The following ZNF525 variants were observed in gnomAD, a reference collection of about 807,000 sequenced individuals.
ZNF525 encodes zinc finger protein 525.
Under a neutral mutation model 37.6 loss-of-function variants are expected in ZNF525, and 33 were observed. That is an observed-to-expected ratio of 0.88 (90% CI 0.67 to 1.17). ZNF525 has a LOEUF of 1.17. ZNF525 is among the 50% of genes most tolerant of loss of function. The pLI is 0.00. For missense variants in ZNF525, 449 were observed against 543.1 expected (o/e 0.83, Z 1.72); for synonymous variants, 170 against 182.3 (o/e 0.93, Z 0.54).
rs1289254999 is a variant in ZNF525 at position 53,382,487 on chromosome 19, G to A, written c.*468G>A. ...TTCATACTGGAAATAAATCTTATAA[G>A]TGTAATGAGTGTGGCAAGACCTTCA... On this transcript the variant is annotated 3_prime_UTR_variant, in exon 4 of 4. Coordinates refer to ENST00000474037, the MANE Select transcript of ZNF525 (RefSeq NM_001348156.2). 37 of 687,946 alleles carry A rather than the reference G, an allele frequency of 5.4e-5. No individual in the cohort carries two copies. The highest frequency in any genetic ancestry group is 1.6e-5 in the Non-Finnish European group (6 of 370,974). The allele number at this position is 687,946 out of a possible 1,614,324, so 42.6% of individuals were successfully genotyped here. A position where few individuals can be genotyped will look rare whatever the true frequency, so the allele number is the denominator to read the frequency against.
chr19:53,373,170 G>T (rs1411576955), intron 2 of ZNF525, among the ~76,000 whole-genome samples: 2 of 151,942 alleles, frequency 1.3e-5, no homozygotes, highest in Non-Finnish European at 2.9e-5. Flanking sequence ...TTGGCTCATG[G>T]CAACCTCCAC....
chr19:53,380,121 C>T (rs990832425), intron 3 of ZNF525, among the ~76,000 whole-genome samples: 6 of 149,956 alleles, frequency 4.0e-5, no homozygotes, highest in Non-Finnish European at 7.4e-5. Flanking sequence ...GATGGAGTCT[C>T]ACTTTGTCAT....
At position 53,386,156 on chromosome 19, in the gene ZNF525, C is replaced by CAA. The variant is rs111382307; in HGVS notation, c.*4149_*4150dup. On this transcript the variant is annotated 3_prime_UTR_variant, in exon 4 of 4. Transcript: ENST00000474037. ...GAGCAACAAGAGCAAAACTCCATCT[C>CAA]AAAAAAAAAAAAATTGTCAAGTTCC... 1,085 of 387,780 alleles carry CAA rather than the reference C, an allele frequency of 2.8e-3. No homozygotes were observed. Among genetic ancestry groups the CAA allele is most frequent in the South Asian group, 4.6e-3 (211 of 45,794 alleles). The allele number at this position is 387,780 out of a possible 1,614,324, so 24.0% of individuals were successfully genotyped here. A position where few individuals can be genotyped will look rare whatever the true frequency, so the allele number is the denominator to read the frequency against.
At chr19:53,368,879 C>T (rs1425697455) in intron 1 of ZNF525, among the ~76,000 whole-genome samples, 1 of 152,090 alleles carries the variant, frequency 6.6e-6, no homozygotes, top group Non-Finnish European at 1.5e-5. Flanking sequence ...GTTTTACCGG[C>T]ATTTTGGTAA....
chr19:53,370,868 C>T (rs1160101549), intron 1 of ZNF525, among the ~76,000 whole-genome samples: 1 of 152,208 alleles, frequency 6.6e-6, no homozygotes, highest in Non-Finnish European at 1.5e-5. Flanking sequence ...AGCCCAACTC[C>T]TCACTGTGGC....
chr19:53,366,219 CCCT>C (rs1363258058), intron 1 of ZNF525, among the ~76,000 whole-genome samples: 10 of 115,320 alleles, frequency 8.7e-5, no homozygotes, highest in African/African-American at 2.5e-4. Flanking sequence ...CCCCCCACGT[CCCT>C]CCTCATGCCG....
intron 1 of ZNF525, among the ~76,000 whole-genome samples, chr19:53,370,332 T>G: frequency 6.8e-6 from 1 of 147,230 alleles, no homozygotes; most frequent in South Asian, 2.2e-4. Context: ...GGCAGGAGAA[T>G]GGTGTGAACG....
At chr19:53,378,996 T>G (rs1015236300) in intron 3 of ZNF525, among the ~76,000 whole-genome samples, 3 of 152,238 alleles carry the variant, frequency 2.0e-5, no homozygotes, top group Admixed American at 1.3e-4. Flanking sequence ...TTATATTTTA[T>G]GCATAGTGAA....
intron 1 of ZNF525, among the ~76,000 whole-genome samples, chr19:53,367,601 T>A (rs1218358397): frequency 6.6e-6 from 1 of 152,238 alleles, no homozygotes; most frequent in Non-Finnish European, 1.5e-5. Flanking sequence ...TTGAATCGAC[T>A]GAAGGAGGAA....
In ZNF525 at chr19:53,383,335, A is replaced by G; in HGVS notation, c.*1316A>G. ...AGAAACAAGCGTAATGAATGTGGCG[A>G]GGTTTTCAATCAACAAGCACACGTT... On this transcript the variant is annotated 3_prime_UTR_variant, in exon 4 of 4. Transcript: ENST00000474037. 1 of 1,353,494 alleles carries G rather than the reference A, an allele frequency of 7.4e-7. No homozygotes were observed. The highest frequency in any genetic ancestry group is 1.0e-6 in the Non-Finnish European group (1 of 981,230). The allele number at this position is 1,353,494 out of a possible 1,614,324, so 83.8% of individuals were successfully genotyped here.
intron 3 of ZNF525, among the ~76,000 whole-genome samples, chr19:53,378,502 A>G (rs1287115343): frequency 6.6e-6 from 1 of 152,178 alleles, no homozygotes; most frequent in African/African-American, 2.4e-5. Context: ...ACTACACTCC[A>G]GCCTGGGTGA....
At chr19:53,367,511 T>C (rs1188198184) in intron 1 of ZNF525, among the ~76,000 whole-genome samples, 1 of 152,176 alleles carries the variant, frequency 6.6e-6, no homozygotes, top group African/African-American at 2.4e-5. Flanking sequence ...GTTGATTAAA[T>C]GTTCTTAACA....
chr19:53,382,097 TAC>T lies in ZNF525; in HGVS notation c.*79_*80del. ...ATGATTGTGGCAAGATCTTCAGTCA[TAC>T]GTCATCCATTGTATACCATCATAAA... On this transcript the variant is annotated 3_prime_UTR_variant, in exon 4 of 4. Coordinates refer to ENST00000474037, the MANE Select transcript of ZNF525 (RefSeq NM_001348156.2). 6.6e-7 allele frequency: 1 copy of T among 1,523,612 alleles called. No individual in the cohort carries two copies. The highest frequency in any genetic ancestry group is 1.1e-5 in the South Asian group (1 of 87,340). 94.4% of individuals were successfully genotyped at this position (1,523,612 alleles called of 1,614,324 possible).
At chr19:53,377,308 G>A (rs1282810858) in intron 3 of ZNF525, among the ~76,000 whole-genome samples, 4 of 152,086 alleles carry the variant, frequency 2.6e-5, no homozygotes, top group African/African-American at 9.7e-5. Context: ...TTCCCGAGTA[G>A]CTGGGATTAT....
rs914900310 is a variant in ZNF525 at position 53,370,782 on chromosome 19, C to T, written c.-67-1433C>T. ...GGCCTTTCTCTGTATGAGGACATCA[C>T]AGCCAAATCTAAAGCAGGTCACGTC... is the stretch of plus-strand genomic sequence containing the variant. On this transcript the variant is annotated intron_variant, in intron 1 of 3. Coordinates refer to ENST00000474037, the MANE Select transcript of ZNF525 (RefSeq NM_001348156.2). Among the ~76,000 whole-genome samples the T allele has an allele frequency of 4.6e-5, 7 of 152,184 alleles. No homozygotes were observed. The South Asian group carries it at 1.4e-3, about 32-fold the overall frequency.
At position 53,382,063 on chromosome 19, in the gene ZNF525, A is replaced by G; in HGVS notation, c.*44A>G. On this transcript the variant is annotated 3_prime_UTR_variant, in exon 4 of 4. Coordinates refer to ENST00000474037, the MANE Select transcript of ZNF525 (RefSeq NM_001348156.2). Reference sequence around the variant, plus strand: ...AAAATTCATACTGGAGAGAAATGTTATAAGTGTAATGATTGTGGCAAGATC... The same window carrying G: ...AAAATTCATACTGGAGAGAAATGTTGTAAGTGTAATGATTGTGGCAAGATC... The G allele has an allele frequency of 1.4e-6, 2 of 1,416,146 alleles. No homozygotes were observed. The highest frequency in any genetic ancestry group is 9.9e-7 in the Non-Finnish European group (1 of 1,013,072). 87.7% of individuals were successfully genotyped at this position (1,416,146 alleles called of 1,614,324 possible).
Position 53,380,706 on chromosome 19 carries a change from TG to T in ZNF525, c.143-15del, listed in dbSNP as rs776813331. ...GTATTGTCTTTTGTGTACCTATTAG[TG>T]TTTATATTTTGTAGGTATCTCTTCC... On this transcript the variant is annotated splice_polypyrimidine_tract_variant and intron_variant, in intron 3 of 3. Coordinates refer to ENST00000474037, the MANE Select transcript of ZNF525 (RefSeq NM_001348156.2). 1 of 1,067,708 alleles carries T rather than the reference TG, an allele frequency of 9.4e-7. No homozygotes were observed. 66.1% of individuals were successfully genotyped at this position (1,067,708 alleles called of 1,614,324 possible).
chr19:53,378,839 A>G (rs2085539938), intron 3 of ZNF525, among the ~76,000 whole-genome samples: 1 of 152,252 alleles, frequency 6.6e-6, no homozygotes. Flanking sequence ...TTGGAGAATA[A>G]GAACTCTGAA....
Position 53,385,824 on chromosome 19 carries a change from C to T in ZNF525, c.*3805C>T, listed in dbSNP as rs2085602030. ...TAACTTATTTTGAGTTAGGGCAAGA[C>T]AATGTTGACAGTGATGCATGAAGCA... On this transcript the variant is annotated 3_prime_UTR_variant, in exon 4 of 4. Coordinates refer to ENST00000474037, the MANE Select transcript of ZNF525 (RefSeq NM_001348156.2). 6.3e-6 allele frequency: 1 copy of T among 159,160 alleles called. No homozygotes were observed. The highest frequency in any genetic ancestry group is 1.4e-5 in the Non-Finnish European group (1 of 72,406). The allele number at this position is 159,160 out of a possible 1,614,324, so 9.9% of individuals were successfully genotyped here.
Sources: gnomAD v4.1 joint callset for allele counts (sites outside exome capture counted in the v4.1 genomes callset) on GRCh38, gnomAD v4.1.1 for gene constraint, MANE v1.5 for transcripts, NCBI Gene and HGNC (gene_info 2026-07-23, HGNC 2026-07-21) for gene names.